Variants in PLA2G4A observed in about 807,000 individuals in gnomAD.
PLA2G4A encodes the protein phospholipase A2 group IVA.
PLA2G4A carries 40 observed loss-of-function variants against 81.9 expected under a neutral mutation model. The observed-to-expected ratio is 0.49, with a 90% CI of 0.38 to 0.64. The LOEUF (loss-of-function observed/expected upper bound fraction) is 0.64. Ranked by LOEUF, PLA2G4A falls within the 30% of genes least tolerant of loss-of-function variation. PLA2G4A has a pLI of 0.00. For missense variants in PLA2G4A, 715 were observed against 905.1 expected, an observed-to-expected ratio of 0.79 and a Z score of 2.69; for synonymous variants, 302 against 296.9, an observed-to-expected ratio of 1.02 and a Z score of -0.18.
At position 186,939,498 on chromosome 1, in the gene PLA2G4A, A is replaced by G. The variant is rs1232806527; in HGVS notation, c.918+268A>G. On this transcript the variant is annotated intron_variant, in intron 9 of 17. Coordinates refer to ENST00000367466, the MANE Select transcript of PLA2G4A (RefSeq NM_024420.3). ...TTTGTATTCCTTTTCTCTGGAAAAA[A>G]AAAAAAAAAAAAAAATTCACATTTT... is the stretch of plus-strand genomic sequence containing the variant. 7.1e-5 allele frequency among the ~76,000 whole-genome samples: 5 copies of G among 70,556 alleles called. No homozygotes were observed. In the African/African-American group the frequency reaches 1.0e-3, roughly 15 times the overall value. 46.3% of individuals were successfully genotyped at this position (70,556 alleles called of 152,430 possible).
intron 6 of PLA2G4A, 93 bp from the exon 7 acceptor site, chr1:186,911,155 A>G (rs1009486534): frequency 8.4e-6 from 8 of 950,744 alleles, no homozygotes; most frequent in African/African-American, 3.2e-5. Context: ...AGCATATATC[A>G]GTGTAGCTCC....
At chr1:186,852,863 C>G (rs12720494) in intron 1 of PLA2G4A, among the ~76,000 whole-genome samples, 1 of 151,790 alleles carries the variant, frequency 6.6e-6, no homozygotes, top group Admixed American at 6.6e-5. Flanking sequence ...TAAGAAAACG[C>G]AAAACAAAGA....
At chr1:186,935,192 T>C (rs546528907) in intron 8 of PLA2G4A, among the ~76,000 whole-genome samples, 5 of 152,014 alleles carry the variant, frequency 3.3e-5, no homozygotes, top group Admixed American at 2.0e-4. Context: ...TGGGTTTGGT[T>C]AGTGGTTTTA....
In PLA2G4A at chr1:186,940,114, A is replaced by C. The variant is rs2102220250; in HGVS notation, c.1033+20A>C. The C allele has an allele frequency of 7.6e-7, 1 of 1,313,330 alleles. No homozygotes were observed. Among genetic ancestry groups the C allele is most frequent in the Middle Eastern group, 1.8e-4 (1 of 5,498 alleles). The allele number at this position is 1,313,330 out of a possible 1,614,324, so 81.4% of individuals were successfully genotyped here. A position where few individuals can be genotyped will look rare whatever the true frequency, so the allele number is the denominator to read the frequency against. On this transcript the variant is annotated intron_variant, in intron 10 of 17. Transcript: ENST00000367466. Reference sequence around the variant, plus strand: ...TTGCAGGTATGCTGTTTCCTTTCTCAGAACACTTCCTGGAACCTCTGAATT... The same window carrying C: ...TTGCAGGTATGCTGTTTCCTTTCTCCGAACACTTCCTGGAACCTCTGAATT...
At chr1:186,963,161 G>A (rs1028722312) in intron 14 of PLA2G4A, among the ~76,000 whole-genome samples, 9 of 152,094 alleles carry the variant, frequency 5.9e-5, no homozygotes, top group African/African-American at 1.9e-4. Context: ...TAGGATAAAT[G>A]TAAGTAACCA....
Position 186,854,371 on chromosome 1 carries a change from C to T in PLA2G4A, c.17C>T (p.Pro6Leu). MSFID[P>L]YQHIIVEHQY... is the part of the protein sequence containing the mutation. Reference sequence around the variant, plus strand: ...GAAACCAAAATGTCATTTATAGATCCTTACCAGCACATTATAGTAAGTCAT... The same window carrying T: ...GAAACCAAAATGTCATTTATAGATCTTTACCAGCACATTATAGTAAGTCAT... The change falls in exon 2 of 18, where the codon CCT becomes CTT. Residue 6 changes from proline (P) to leucine (L), a missense_variant. Transcript: ENST00000367466. 1 of 1,571,326 alleles carries T rather than the reference C, an allele frequency of 6.4e-7. No individual in the cohort carries two copies. The highest frequency in any genetic ancestry group is 8.8e-7 in the Non-Finnish European group (1 of 1,141,804).
intron 17 of PLA2G4A, among the ~76,000 whole-genome samples, chr1:186,981,697 ACT>A (rs1397776085): frequency 6.6e-6 from 1 of 152,054 alleles, no homozygotes; most frequent in Non-Finnish European, 1.5e-5. Context: ...CCAAACTAAA[ACT>A]CTGTAACCAT....
At position 186,988,565 on chromosome 1, in the gene PLA2G4A, A is replaced by T; in HGVS notation, c.*57A>T. 1 of 1,503,166 alleles carries T rather than the reference A, an allele frequency of 6.7e-7. No homozygotes were observed. The highest frequency in any genetic ancestry group is 9.2e-7 in the Non-Finnish European group (1 of 1,084,164). 93.1% of individuals were successfully genotyped at this position (1,503,166 alleles called of 1,614,324 possible). On this transcript the variant is annotated 3_prime_UTR_variant, in exon 18 of 18. Transcript: ENST00000367466. ...TGCTGAGGCAGTTTGCAATCCCATG[A>T]CAACTGGATTTAAAAGTACAGTACA...
At chr1:186,857,528 T>C (rs1652633083) in intron 2 of PLA2G4A, among the ~76,000 whole-genome samples, 1 of 139,726 alleles carries the variant, frequency 7.2e-6, no homozygotes, top group Non-Finnish European at 1.5e-5. Flanking sequence ...ATAATATAAC[T>C]ATAGAATATA....
chr1:186,865,667 T>A (rs1399003122), intron 2 of PLA2G4A, among the ~76,000 whole-genome samples: 1 of 152,208 alleles, frequency 6.6e-6, no homozygotes, highest in African/African-American at 2.4e-5. Context: ...GCATTCAGAA[T>A]CTACTTTATT....
intron 2 of PLA2G4A, among the ~76,000 whole-genome samples, chr1:186,865,516 A>T (rs557758283): frequency 6.6e-6 from 1 of 152,302 alleles, no homozygotes; most frequent in South Asian, 2.1e-4. Context: ...ATTAAAAAAA[A>T]TTTCTGAGAA....
intron 17 of PLA2G4A, among the ~76,000 whole-genome samples, chr1:186,981,057 A>T (rs1284156693): frequency 6.6e-6 from 1 of 152,194 alleles, no homozygotes; most frequent in Non-Finnish European, 1.5e-5. Context: ...GGGAGTGAAC[A>T]TAAATTCTCA....
At position 186,894,340 on chromosome 1, in the gene PLA2G4A, A is replaced by C. The variant is rs569013859; in HGVS notation, c.378+129A>C. 28 of 643,736 alleles carry C rather than the reference A, an allele frequency of 4.3e-5. No individual in the cohort carries two copies. The African/African-American group carries it at 5.2e-4, about 12-fold the overall frequency. 39.9% of individuals were successfully genotyped at this position (643,736 alleles called of 1,614,324 possible). ...AGAATGTTTGCTTTTTAAAGAGAAA[A>C]TTTTGTTTTTCTTTTTACTTTTTGT... On this transcript the variant is annotated intron_variant, in intron 5 of 17. Transcript: ENST00000367466.
intron 3 of PLA2G4A, among the ~76,000 whole-genome samples, chr1:186,883,949 G>C (rs899590985): frequency 2.0e-5 from 3 of 152,108 alleles, no homozygotes; most frequent in Admixed American, 2.0e-4. Context: ...AAAAGATCTG[G>C]AAGAATTGTA....
rs115230113 is a variant in PLA2G4A, at chr1:186,831,379, A to G, written c.-70+2344A>G. ...ACTCCAAGCAACTTGGTATAATGGA[A>G]AAAACTGCTTGCCTGAAACCAGGTG... On this transcript the variant is annotated intron_variant, in intron 1 of 17. Coordinates refer to ENST00000367466, the MANE Select transcript of PLA2G4A (RefSeq NM_024420.3). Among the ~76,000 whole-genome samples, 996 of 152,256 alleles carry G rather than the reference A, an allele frequency of 6.5e-3. 14 individuals carry two copies. The highest frequency in any genetic ancestry group is 0.023 in the African/African-American group (952 of 41,552).
chr1:186,919,990 T>C (rs1268300875), intron 7 of PLA2G4A, among the ~76,000 whole-genome samples: 1 of 152,146 alleles, frequency 6.6e-6, no homozygotes, highest in African/African-American at 2.4e-5. Flanking sequence ...GGGAACCGGA[T>C]ACTGCTTTTG....
intron 2 of PLA2G4A, among the ~76,000 whole-genome samples, chr1:186,862,223 C>CTTTTTTTTTTTTTTTTT (rs66584780): frequency 6.3e-5 from 8 of 126,278 alleles, no homozygotes; most frequent in African/African-American, 9.0e-5. Flanking sequence ...TAGTTATGAA[C>CTTTTTTTTTTTTTTTTT]TTTTTTTTTG....
chr1:186,857,644 T>G (rs1022327679), intron 2 of PLA2G4A, among the ~76,000 whole-genome samples: 8 of 150,448 alleles, frequency 5.3e-5, no homozygotes, highest in Non-Finnish European at 1.0e-4. Flanking sequence ...CTAGGGTACA[T>G]GTGCACAACG....
At chr1:186,934,095 A>G (rs1185762047) in intron 8 of PLA2G4A, among the ~76,000 whole-genome samples, 1 of 152,092 alleles carries the variant, frequency 6.6e-6, no homozygotes, top group Admixed American at 6.6e-5. Context: ...AAGAGCAGGC[A>G]TCTGCCTGTT....
Sources: gnomAD v4.1 joint callset for allele counts (sites outside exome capture counted in the v4.1 genomes callset) on GRCh38, gnomAD v4.1.1 for gene constraint, MANE v1.5 for transcripts, NCBI Gene and HGNC (gene_info 2026-07-23, HGNC 2026-07-21) for gene names.